Variants in KCNN2 observed in about 807,000 individuals in gnomAD.
KCNN2 encodes the protein potassium calcium-activated channel subfamily N member 2.
A neutral mutation model predicts 55.5 loss-of-function variants in KCNN2; 24 were observed. The observed-to-expected ratio is 0.43, with a 90% CI of 0.31 to 0.61. KCNN2 has a LOEUF of 0.61. Among genes scored for constraint, KCNN2 ranks in the 20% least tolerant of loss-of-function variants. The pLI is 0.08. For missense variants in KCNN2, 754 were observed against 853.6 expected, an observed-to-expected ratio of 0.88 and a Z score of 1.45; for synonymous variants, 431 against 336.1, an observed-to-expected ratio of 1.28 and a Z score of -3.09.
At chr5:114,308,273 G>A (rs1049779718) in intron 2 of KCNN2, among the ~76,000 whole-genome samples, 2 of 152,264 alleles carry the variant, frequency 1.3e-5, no homozygotes, top group East Asian at 1.9e-4. Context: ...TCTTTGTACA[G>A]CCAATCCTGA....
intron 2 of KCNN2, among the ~76,000 whole-genome samples, chr5:114,230,237 A>G (rs1754329272): frequency 2.0e-5 from 3 of 151,850 alleles, no homozygotes; most frequent in African/African-American, 7.3e-5. Context: ...TGAGATACTG[A>G]CAATGATAGA....
chr5:114,245,339 T>C (rs758218384), intron 2 of KCNN2, among the ~76,000 whole-genome samples: 2 of 152,246 alleles, frequency 1.3e-5, no homozygotes, highest in Non-Finnish European at 1.5e-5. Context: ...ATAAACGTGA[T>C]ATCTCTTCAT....
chr5:114,144,335 T>A (rs1002112098), intron 1 of KCNN2, among the ~76,000 whole-genome samples: 5 of 152,186 alleles, frequency 3.3e-5, no homozygotes, highest in African/African-American at 1.2e-4. Flanking sequence ...AATACCTGAC[T>A]GAGAATTCCA....
At chr5:114,164,179 A>G (rs932576339) in intron 1 of KCNN2, among the ~76,000 whole-genome samples, 21 of 152,234 alleles carry the variant, frequency 1.4e-4, no homozygotes, top group African/African-American at 4.8e-4. Context: ...ACTTGCAAGT[A>G]AGATATATTT....
intron 1 of KCNN2, among the ~76,000 whole-genome samples, chr5:114,144,178 C>T (rs566770959): frequency 6.6e-6 from 1 of 152,134 alleles, no homozygotes; most frequent in African/African-American, 2.4e-5. Flanking sequence ...CAATTGTGAA[C>T]AGACTCATTA....
chr5:114,121,772 C>T (rs557396951), intron 1 of KCNN2, among the ~76,000 whole-genome samples: 1 of 152,194 alleles, frequency 6.6e-6, no homozygotes, highest in Admixed American at 6.5e-5. Context: ...CCAACTTGGT[C>T]TTAAGGTATG....
intron 1 of KCNN2, among the ~76,000 whole-genome samples, chr5:114,089,396 G>T (rs1176143224): frequency 2.6e-5 from 4 of 152,172 alleles, no homozygotes; most frequent in African/African-American, 4.8e-5. Flanking sequence ...CTTCAATCTG[G>T]CTCACCAGCA....
intron 1 of KCNN2, among the ~76,000 whole-genome samples, chr5:114,133,068 C>T (rs115324437): frequency 0.031 from 4,653 of 152,134 alleles, 246 homozygotes; most frequent in African/African-American, 0.11. Flanking sequence ...ACCTGAGAAA[C>T]CAGTTATTTT....
Position 114,482,726 on chromosome 5 carries a change from G to T in KCNN2, c.1891-4324G>T, listed in dbSNP as rs145843433. 1.6e-3 allele frequency among the ~76,000 whole-genome samples: 250 copies of T among 152,238 alleles called. 1 individual carries two copies. Among genetic ancestry groups the T allele is most frequent in the African/African-American group, 5.8e-3 (239 of 41,534 alleles). ...AAGGAACAAGATCATCTCCTTTGCAGGGACATGGATAGAGCTGGAATCCAT... is the reference window on the plus strand; with the variant it reads ...AAGGAACAAGATCATCTCCTTTGCATGGACATGGATAGAGCTGGAATCCAT... On this transcript the variant is annotated intron_variant, in intron 5 of 7. Transcript: ENST00000673685.
intron 1 of KCNN2, among the ~76,000 whole-genome samples, chr5:114,114,088 G>A (rs1420773393): frequency 6.6e-6 from 1 of 152,036 alleles, no homozygotes; most frequent in Non-Finnish European, 1.5e-5. Context: ...AACTTACAAT[G>A]TATGTTTTTA....
chr5:114,215,809 C>A (rs1266637479), intron 1 of KCNN2, among the ~76,000 whole-genome samples: 1 of 152,084 alleles, frequency 6.6e-6, no homozygotes, highest in Non-Finnish European at 1.5e-5. Flanking sequence ...GCTCCTTTTG[C>A]ACCTTTATGT....
intron 1 of KCNN2, among the ~76,000 whole-genome samples, chr5:114,146,718 TG>T (rs1752405009): frequency 6.6e-6 from 1 of 152,190 alleles, no homozygotes; most frequent in Non-Finnish European, 1.5e-5. Context: ...TTGTTTAGCT[TG>T]TTTCCAACTC....
At chr5:114,067,812 C>A (rs1213313321) in intron 1 of KCNN2, among the ~76,000 whole-genome samples, 1 of 152,120 alleles carries the variant, frequency 6.6e-6, no homozygotes, top group Non-Finnish European at 1.5e-5. Flanking sequence ...GAACAACTCT[C>A]TATATTGTTA....
intron 2 of KCNN2, among the ~76,000 whole-genome samples, chr5:114,251,663 G>T (rs189997260): frequency 9.2e-5 from 14 of 152,210 alleles, no homozygotes; most frequent in African/African-American, 3.1e-4. Context: ...ATGTGGTCAC[G>T]TGTGCATTCC....
intron 2 of KCNN2, among the ~76,000 whole-genome samples, chr5:114,376,746 G>A (rs1757960031): frequency 2.6e-5 from 4 of 152,148 alleles, no homozygotes; most frequent in Admixed American, 2.6e-4. Context: ...AGTGTTACAA[G>A]TGTACTTTTC....
intron 2 of KCNN2, among the ~76,000 whole-genome samples, chr5:114,261,931 C>T (rs1477672869): frequency 6.6e-6 from 1 of 152,118 alleles, no homozygotes; most frequent in Non-Finnish European, 1.5e-5. Context: ...ATAAACTGAA[C>T]AATCTGAAAA....
intron 2 of KCNN2, among the ~76,000 whole-genome samples, chr5:114,285,113 T>C (rs2150014670): frequency 6.6e-6 from 1 of 150,788 alleles, no homozygotes; most frequent in Admixed American, 6.6e-5. Flanking sequence ...AAACCCCGTC[T>C]CTACTAAAAA....
chr5:114,384,970 GT>G (rs894638126), intron 2 of KCNN2, among the ~76,000 whole-genome samples: 2 of 151,964 alleles, frequency 1.3e-5, no homozygotes, highest in Non-Finnish European at 2.9e-5. Context: ...TCTTAATTAT[GT>G]TTTTTTCTAC....
chr5:114,272,309 C>CATATATGTATGTACATATAT (rs1561548922), intron 2 of KCNN2, among the ~76,000 whole-genome samples: 21 of 49,598 alleles, frequency 4.2e-4, no homozygotes, highest in African/African-American at 1.0e-3. Context: ...ACATATCACA[C>CATATATGTATGTACATATAT]ACACACATAT....
Sources: allele counts gnomAD v4.1 joint callset (sites outside exome capture counted in the v4.1 genomes callset), GRCh38; gene constraint gnomAD v4.1.1; transcripts MANE v1.5; gene names NCBI Gene and HGNC (gene_info 2026-07-23, HGNC 2026-07-21).